SYN2: variants seen among roughly 807,000 people sequenced by gnomAD.
SYN2 encodes synapsin-2.
A neutral mutation model predicts 50.9 loss-of-function variants in SYN2; 19 were observed. That is an observed-to-expected ratio of 0.37 (90% CI 0.26 to 0.55). The LOEUF (loss-of-function observed/expected upper bound fraction) is 0.55, where lower values mean the gene tolerates loss of function less well. SYN2 is among the 20% of genes least tolerant of loss of function. The pLI is 0.81. For synonymous variants in SYN2, 255 were observed against 224.9 expected (o/e 1.13, Z -1.20); for missense variants, 587 against 576.4 (o/e 1.02, Z -0.19).
intron 1 of SYN2, chr3:12,070,367 G>A: frequency 1.9e-6 from 1 of 521,650 alleles, no homozygotes; most frequent in Non-Finnish European, 3.9e-6. Context: ...GTGGGCATGG[G>A]TCAGAAGGAC....
At chr3:12,182,399 G>A (rs953444071) in intron 10 of SYN2, among the ~76,000 whole-genome samples, 1 of 152,174 alleles carries the variant, frequency 6.6e-6, no homozygotes, top group African/African-American at 2.4e-5. Context: ...TTTCCCTTGT[G>A]CTGAACTCAG....
chr3:12,094,097 C>T (rs928490639), intron 1 of SYN2, among the ~76,000 whole-genome samples: 2 of 152,082 alleles, frequency 1.3e-5, no homozygotes, highest in Admixed American at 6.5e-5. Context: ...TCAGGTGATC[C>T]GCCCACCTCA....
intron 10 of SYN2, among the ~76,000 whole-genome samples, chr3:12,172,312 A>G (rs1044508195): frequency 1.3e-5 from 2 of 152,232 alleles, no homozygotes; most frequent in Admixed American, 6.5e-5. Flanking sequence ...CAAAGTCTGA[A>G]AGCACAATTC....
chr3:12,072,142 C>T (rs1384051495), intron 1 of SYN2, among the ~76,000 whole-genome samples: 4 of 151,882 alleles, frequency 2.6e-5, no homozygotes, highest in African/African-American at 9.7e-5. Context: ...ATGTTCTTTG[C>T]AGAAATATCT....
chr3:12,190,124 TGA>T (rs1698419399), intron 12 of SYN2, among the ~76,000 whole-genome samples: 1 of 152,198 alleles, frequency 6.6e-6, no homozygotes. Context: ...AAAAGTAATG[TGA>T]GATTCCTAGG....
intron 1 of SYN2, among the ~76,000 whole-genome samples, chr3:12,114,476 C>T (rs1441820002): frequency 6.6e-6 from 1 of 151,990 alleles, no homozygotes; most frequent in Non-Finnish European, 1.5e-5. Context: ...TCTTTGGTTA[C>T]TTGTGCTTTT....
At position 12,191,365 on chromosome 3, in the gene SYN2, C is replaced by T. The variant is rs141470560; in HGVS notation, c.*740C>T. 380 of 183,198 alleles carry T rather than the reference C, an allele frequency of 2.1e-3. 4 individuals are homozygous for T. The highest frequency in any genetic ancestry group is 8.5e-3 in the African/African-American group (358 of 42,108). 11.3% of individuals were successfully genotyped at this position (183,198 alleles called of 1,614,324 possible). A position where few individuals can be genotyped will look rare whatever the true frequency, so the allele number is the denominator to read the frequency against. On this transcript the variant is annotated 3_prime_UTR_variant, in exon 13 of 13. Coordinates refer to ENST00000621198, the MANE Select transcript of SYN2 (RefSeq NM_133625.6). ...AGCTTTGTGTTCATCTCCTAATAAA[C>T]GTTAAGACCTTTGGTGTAATAAAAG... is the stretch of plus-strand genomic sequence containing the variant.
chr3:12,137,945 A>G (rs964037553), intron 1 of SYN2, among the ~76,000 whole-genome samples: 2 of 152,262 alleles, frequency 1.3e-5, no homozygotes, highest in African/African-American at 4.8e-5. Flanking sequence ...CTATTTTTAA[A>G]AAATTTAAGC....
intron 11 of SYN2, chr3:12,184,992 A>G (rs2124837065): frequency 1.0e-6 from 1 of 985,806 alleles, no homozygotes; most frequent in Non-Finnish European, 1.2e-6. Context: ...GTGGTATGTA[A>G]CAAGAGTTAC....
At position 12,168,409 on chromosome 3, in the gene SYN2, G is replaced by A. The variant is rs1559451493; in HGVS notation, c.1089G>A (p.Met363Ile). Residue 363 changes from methionine (M) to isoleucine (I), a missense_variant, in exon 9 of 13, where the codon ATG becomes ATA. Met to Ile is a conservative substitution (Grantham distance 10). Coordinates refer to ENST00000621198, the MANE Select transcript of SYN2 (RefSeq NM_133625.6). ...YKLWVDTCSEMFGGLDICAVK... is the reference protein window; with the variant it reads ...YKLWVDTCSEIFGGLDICAVK... Reference sequence around the variant, plus strand: ...TGTGGGTGGACACCTGCTCTGAGATGTTTGGCGGCCTGGACATCTGTGCTG... The same window carrying A: ...TGTGGGTGGACACCTGCTCTGAGATATTTGGCGGCCTGGACATCTGTGCTG... 4 of 1,613,978 alleles carry A rather than the reference G, an allele frequency of 2.5e-6. No homozygotes were observed. Among genetic ancestry groups the A allele is most frequent in the Non-Finnish European group, 3.4e-6 (4 of 1,179,940 alleles).
chr3:12,064,704 T>G (rs2125164375), intron 1 of SYN2, among the ~76,000 whole-genome samples: 1 of 152,162 alleles, frequency 6.6e-6, no homozygotes, highest in South Asian at 2.1e-4. Context: ...ATAGGACAAC[T>G]ATAATAAAAA....
chr3:12,185,790 A>G (rs1385792155), intron 11 of SYN2: 14 of 983,382 alleles, frequency 1.4e-5, no homozygotes, highest in Non-Finnish European at 1.7e-5. Context: ...GAAAGCACTC[A>G]GGTTTCTGGT....
chr3:12,058,816 C>T (rs1347201588), intron 1 of SYN2, among the ~76,000 whole-genome samples: 1 of 152,148 alleles, frequency 6.6e-6, no homozygotes, highest in Non-Finnish European at 1.5e-5. Context: ...TTTATCATTC[C>T]CTCTTTCCTC....
intron 1 of SYN2, among the ~76,000 whole-genome samples, chr3:12,006,127 CT>C (rs1430730465): frequency 1.3e-5 from 2 of 152,070 alleles, no homozygotes; most frequent in Non-Finnish European, 2.9e-5. Context: ...TGCTTTCTCT[CT>C]CTAGCATTCT....
intron 1 of SYN2, among the ~76,000 whole-genome samples, chr3:12,025,892 A>C (rs1337203265): frequency 2.0e-5 from 3 of 152,236 alleles, no homozygotes; most frequent in Admixed American, 1.3e-4. Flanking sequence ...TGGCAAGCTC[A>C]CGGAAGAAGC....
At chr3:12,172,658 A>G (rs1283288931) in intron 10 of SYN2, among the ~76,000 whole-genome samples, 1 of 152,214 alleles carries the variant, frequency 6.6e-6, no homozygotes, top group African/African-American at 2.4e-5. Flanking sequence ...TTGGGGCTTC[A>G]TGATGTAGGC....
At chr3:12,041,581 C>T (rs914194687) in intron 1 of SYN2, among the ~76,000 whole-genome samples, 2 of 152,196 alleles carry the variant, frequency 1.3e-5, no homozygotes, top group Non-Finnish European at 2.9e-5. Flanking sequence ...ATGATTTTAG[C>T]AACCAGTGAA....
At chr3:12,097,471 T>G (rs1246144308) in intron 1 of SYN2, among the ~76,000 whole-genome samples, 1 of 152,024 alleles carries the variant, frequency 6.6e-6, no homozygotes, top group Non-Finnish European at 1.5e-5. Context: ...CCGGGTGTGG[T>G]GGCGCACGCC....
chr3:12,074,590 A>G (rs1187362943), intron 1 of SYN2, among the ~76,000 whole-genome samples: 2 of 152,134 alleles, frequency 1.3e-5, no homozygotes, highest in African/African-American at 4.8e-5. Flanking sequence ...ATTATGTGTT[A>G]TTATTGTCCA....
Sources: allele counts gnomAD v4.1 joint callset (sites outside exome capture counted in the v4.1 genomes callset), GRCh38; gene constraint gnomAD v4.1.1; transcripts MANE v1.5; gene names NCBI Gene and HGNC (gene_info 2026-07-23, HGNC 2026-07-21).